The following CEP63 variants were observed in gnomAD, a reference collection of about 807,000 sequenced individuals.
CEP63 encodes the protein centrosomal protein of 63 kDa.
A neutral mutation model predicts 89.1 loss-of-function variants in CEP63; 84 were observed. The ratio of observed to expected loss-of-function variants is 0.94; its 90% CI spans 0.79 to 1.13. The LOEUF (loss-of-function observed/expected upper bound fraction) is 1.13, where lower values mean the gene tolerates loss of function less well. Ranked by LOEUF, CEP63 falls within the 50% of genes most tolerant of loss-of-function variation. The probability of loss-of-function intolerance (pLI) is 0.00; values close to 1 mark genes in which losing one functional copy is unlikely to be tolerated. For missense variants in CEP63, 838 were observed against 813.3 expected (o/e 1.03, Z -0.37); for synonymous variants, 267 against 272.5 (o/e 0.98, Z 0.20).
the CEP63 span, among the ~76,000 whole-genome samples, chr3:134,611,471 G>C: frequency 6.6e-6 from 1 of 152,362 alleles, no homozygotes; most frequent in East Asian, 1.9e-4. Context: ...TTCACTGCTA[G>C]TCTGACCTAG....
At chr3:134,634,943 C>T in the CEP63 span, among the ~76,000 whole-genome samples, 1 of 152,174 alleles carries the variant, frequency 6.6e-6, no homozygotes, top group Non-Finnish European at 1.5e-5. Context: ...TCATATATTG[C>T]TAGTGGGATT....
the CEP63 span, among the ~76,000 whole-genome samples, chr3:134,677,001 C>T: frequency 6.6e-6 from 1 of 152,142 alleles, no homozygotes; most frequent in African/African-American, 2.4e-5. Context: ...TTTGGGAGGC[C>T]GAGGCAGGTG....
At chr3:134,548,798 A>G (rs1577303284) in intron 9 of CEP63, among the ~76,000 whole-genome samples, 1 of 152,174 alleles carries the variant, frequency 6.6e-6, no homozygotes. Context: ...AGTACTTGAG[A>G]TAGTCTTTGT....
At chr3:134,545,967 G>A (rs1195301892) in intron 7 of CEP63, 148 bp downstream of exon 7, 2 of 841,196 alleles carry the variant, frequency 2.4e-6, no homozygotes, top group African/African-American at 3.5e-5. Flanking sequence ...TACTAATATT[G>A]TGACTTTATT....
the CEP63 span, among the ~76,000 whole-genome samples, chr3:134,702,980 G>A: frequency 3.3e-5 from 5 of 152,112 alleles, no homozygotes; most frequent in Admixed American, 6.6e-5. Context: ...TATACCCAAA[G>A]GAATATAAAA....
the CEP63 span, among the ~76,000 whole-genome samples, chr3:134,737,421 A>C: frequency 1.3e-5 from 2 of 152,210 alleles, no homozygotes; most frequent in Non-Finnish European, 2.9e-5. Context: ...AGATTATATA[A>C]ATAACCTCTA....
At chr3:134,646,453 T>G in the CEP63 span, among the ~76,000 whole-genome samples, 28 of 152,162 alleles carry the variant, frequency 1.8e-4, 1 homozygote, top group Admixed American at 9.2e-4. Flanking sequence ...TTAATGTAGC[T>G]CCCCTGAGGG....
chr3:134,714,283 G>T, the CEP63 span, among the ~76,000 whole-genome samples: 1 of 152,116 alleles, frequency 6.6e-6, no homozygotes, highest in Non-Finnish European at 1.5e-5. Context: ...AATCATTTGA[G>T]GTTGGTGTCT....
chr3:134,583,907 G>C (rs1459638673), intron 10 of CEP63, among the ~76,000 whole-genome samples: 2 of 152,086 alleles, frequency 1.3e-5, no homozygotes, highest in African/African-American at 2.4e-5. Flanking sequence ...TCCCTTGTAA[G>C]TTGGATTCCT....
chr3:134,628,370 G>A, the CEP63 span, among the ~76,000 whole-genome samples: 1 of 152,162 alleles, frequency 6.6e-6, no homozygotes, highest in Non-Finnish European at 1.5e-5. Context: ...TAGACTCCCT[G>A]GGCAAAAGGA....
Position 134,562,209 on chromosome 3 carries a change from C to G in CEP63, c.*674C>G. 1 of 986,018 alleles carries G rather than the reference C, an allele frequency of 1.0e-6. No individual in the cohort carries two copies. Among genetic ancestry groups the G allele is most frequent in the Non-Finnish European group, 1.2e-6 (1 of 830,210 alleles). 61.1% of individuals were successfully genotyped at this position (986,018 alleles called of 1,614,324 possible). A position where few individuals can be genotyped will look rare whatever the true frequency, so the allele number is the denominator to read the frequency against. ...TGGAAATAAATGTTCATCGTCTGCA[C>G]TGCTGAGGACAAGTTTAGATGGGAG... is the stretch of plus-strand genomic sequence containing the variant. On this transcript the variant is annotated 3_prime_UTR_variant, in exon 15 of 15. Transcript: ENST00000675561.
chr3:134,669,482 C>A, the CEP63 span, among the ~76,000 whole-genome samples: 1 of 152,148 alleles, frequency 6.6e-6, no homozygotes, highest in Non-Finnish European at 1.5e-5. Context: ...GGGTCTTGGG[C>A]CCAAGTTGCT....
At chr3:134,701,267 C>CGT in the CEP63 span, among the ~76,000 whole-genome samples, 3 of 40,488 alleles carry the variant, frequency 7.4e-5, no homozygotes, top group African/African-American at 9.5e-4. Context: ...CACATATATA[C>CGT]ATATACACAC....
the CEP63 span, chr3:134,624,937 C>T: frequency 7.9e-6 from 7 of 887,010 alleles, no homozygotes; most frequent in Non-Finnish European, 1.3e-5. Context: ...CATTCCAGGG[C>T]CATCCAACCA....
At chr3:134,680,743 C>T in the CEP63 span, among the ~76,000 whole-genome samples, 1,681 of 152,290 alleles carry the variant, frequency 0.011, 76 homozygotes, top group Admixed American at 0.081. Context: ...AGTTCCTTAT[C>T]GAGCTAGTGG....
the CEP63 span, among the ~76,000 whole-genome samples, chr3:134,592,793 G>A: frequency 1.3e-5 from 2 of 152,078 alleles, no homozygotes; most frequent in Admixed American, 1.3e-4. Context: ...TTTTCTTCAT[G>A]TGGTTTCGTA....
At chr3:134,741,248 T>C in the CEP63 span, among the ~76,000 whole-genome samples, 1 of 152,210 alleles carries the variant, frequency 6.6e-6, no homozygotes, top group Non-Finnish European at 1.5e-5. Flanking sequence ...CTTGGTTTCT[T>C]CGGTCTGCAC....
chr3:134,650,836 T>C, the CEP63 span: 16 of 1,602,314 alleles, frequency 1.0e-5, no homozygotes, highest in South Asian at 1.4e-4. Context: ...TCCTCCGCGC[T>C]GCAGCAGCGA....
the CEP63 span, among the ~76,000 whole-genome samples, chr3:134,641,729 C>G: frequency 6.6e-5 from 10 of 152,272 alleles, no homozygotes; most frequent in Middle Eastern, 3.4e-3. Flanking sequence ...GCCCCAGACC[C>G]CATACCCGCA....
Sources: gnomAD v4.1 joint callset for allele counts (sites outside exome capture counted in the v4.1 genomes callset) on GRCh38, gnomAD v4.1.1 for gene constraint, MANE v1.5 for transcripts, NCBI Gene and HGNC (gene_info 2026-07-23, HGNC 2026-07-21) for gene names.